DMD: variants seen among roughly 807,000 people sequenced by gnomAD.
The protein encoded by DMD is mutant dystrophin.
DMD carries 63 observed loss-of-function variants against 330.1 expected under a neutral mutation model. The observed-to-expected ratio is 0.19, with a 90% confidence interval of 0.16 to 0.24. DMD has a LOEUF of 0.24. Among genes scored for constraint, DMD ranks in the 10% least tolerant of loss-of-function variants. The probability of loss-of-function intolerance (pLI) is 1.00; values close to 1 mark genes in which losing one functional copy is unlikely to be tolerated. For missense variants in DMD, 3,344 were observed against 2,684.1 expected (o/e 1.25, Z -5.43); for synonymous variants, 1,223 against 959.8 (o/e 1.27, Z -5.07).
intron 43 of DMD, among the ~76,000 whole-genome samples, chrX:32,256,311 T>C (rs1569554150): frequency 1.1e-5 from 1 of 89,943 alleles, no homozygotes; most frequent in Non-Finnish European, 2.2e-5. Context: ...TTGTAACCCC[T>C]GTTTTTTTTT....
At chrX:31,335,867 G>C (rs1281182148) in intron 61 of DMD, among the ~76,000 whole-genome samples, 1 of 112,443 alleles carries the variant, frequency 8.9e-6, no homozygotes, top group East Asian at 2.8e-4. Flanking sequence ...TGGAAGGGAA[G>C]TGAAAGAAAC....
At chrX:31,202,114 A>G (rs936731823) in intron 67 of DMD, among the ~76,000 whole-genome samples, 19 of 111,313 alleles carry the variant, frequency 1.7e-4, no homozygotes, top group Non-Finnish European at 1.7e-4. Context: ...TGAACCAGGG[A>G]GGCGGAGGTT....
At chrX:32,123,905 T>G (rs1328683885) in intron 44 of DMD, among the ~76,000 whole-genome samples, 1 of 112,545 alleles carries the variant, frequency 8.9e-6, no homozygotes, top group South Asian at 3.7e-4. Context: ...TTTGAATTTT[T>G]TATTTTATTT....
chrX:32,799,486 G>T (rs936493285), intron 7 of DMD, among the ~76,000 whole-genome samples: 3 of 111,277 alleles, frequency 2.7e-5, no homozygotes, highest in African/African-American at 9.8e-5. Flanking sequence ...ATCTAGAACA[G>T]GCGCAATCTT....
intron 2 of DMD, among the ~76,000 whole-genome samples, chrX:33,002,850 G>GAAAAAAAAAAAAAAAA (rs145168802): frequency 2.6e-5 from 1 of 38,755 alleles, no homozygotes; most frequent in Non-Finnish European, 4.3e-5. Flanking sequence ...TTTTTTTCTC[G>GAAAAAAAAAAAAAAAA]AAAAAAAAAA....
intron 1 of DMD, among the ~76,000 whole-genome samples, chrX:33,120,628 C>T (rs2095417226): frequency 9.0e-6 from 1 of 111,182 alleles, no homozygotes; most frequent in Non-Finnish European, 1.9e-5. Flanking sequence ...CGCCTGTAAT[C>T]CCAGCACTTT....
Position 32,972,725 on chromosome X carries a change from G to A in DMD, c.93+47414C>T, listed in dbSNP as rs544673165. ...CATTTATTAGTGGGACGATGGGTAA[G>A]TTCATTAGCATCTCCGTACTTTAGT... On this transcript the variant is annotated intron_variant, in intron 2 of 78. Transcript: ENST00000357033. 4.5e-5 allele frequency among the ~76,000 whole-genome samples: 5 copies of A among 111,853 alleles called. No homozygotes were observed. The South Asian group carries it at 1.9e-3, about 41-fold the overall frequency.
At chrX:31,448,330 A>T (rs1026955292) in intron 59 of DMD, among the ~76,000 whole-genome samples, 1 of 111,918 alleles carries the variant, frequency 8.9e-6, no homozygotes, top group African/African-American at 3.3e-5. Context: ...TTGGCATTTG[A>T]TTTAGGTTTT....
intron 60 of DMD, among the ~76,000 whole-genome samples, chrX:31,380,226 CT>C (rs888245786): frequency 1.2e-4 from 13 of 110,747 alleles, no homozygotes; most frequent in East Asian, 5.6e-4. Flanking sequence ...TTAAGCACTC[CT>C]TTTTAGTTAT....
chrX:32,397,773 A>G (rs2098055950), intron 30 of DMD, among the ~76,000 whole-genome samples: 1 of 111,272 alleles, frequency 9.0e-6, no homozygotes, highest in South Asian at 3.7e-4. Context: ...ACCTCATCAA[A>G]CCATTCTCAT....
intron 43 of DMD, among the ~76,000 whole-genome samples, chrX:32,264,000 C>T (rs1379158469): frequency 1.8e-5 from 2 of 111,656 alleles, no homozygotes; most frequent in Non-Finnish European, 3.8e-5. Flanking sequence ...TGTAGAAAAA[C>T]AATTCATAGA....
intron 63 of DMD, among the ~76,000 whole-genome samples, chrX:31,252,831 G>A (rs776390526): frequency 1.2e-3 from 129 of 111,313 alleles, no homozygotes; most frequent in African/African-American, 4.0e-3. Context: ...GGCCAACATG[G>A]TGAAACCCCG....
At chrX:31,449,577 A>G (rs2065537468) in intron 59 of DMD, among the ~76,000 whole-genome samples, 2 of 108,100 alleles carry the variant, frequency 1.9e-5, no homozygotes, top group African/African-American at 6.7e-5. Flanking sequence ...ATTAGGAGGA[A>G]AGCAAAGCAA....
At chrX:32,726,293 TCA>T (rs1371995789) in intron 7 of DMD, among the ~76,000 whole-genome samples, 7 of 111,244 alleles carry the variant, frequency 6.3e-5, no homozygotes, top group African/African-American at 2.3e-4. Context: ...CATAATAAAT[TCA>T]CAGACAAAAT....
intron 1 of DMD, among the ~76,000 whole-genome samples, chrX:33,272,366 T>C (rs1191245744): frequency 8.9e-6 from 1 of 111,951 alleles, no homozygotes; most frequent in Non-Finnish European, 1.9e-5. Context: ...GAGAAATCCA[T>C]GTAGAGTGAA....
intron 41 of DMD, 36 bp downstream of exon 41, chrX:32,342,064 G>A (rs762075612): frequency 4.2e-5 from 50 of 1,177,035 alleles, no homozygotes; most frequent in Non-Finnish European, 5.4e-5. Flanking sequence ...AGTAGTAGTT[G>A]CAAACACATA....
At chrX:31,596,075 G>A (rs746675002) in intron 55 of DMD, among the ~76,000 whole-genome samples, 1 of 111,391 alleles carries the variant, frequency 9.0e-6, no homozygotes, top group African/African-American at 3.2e-5. Flanking sequence ...AATCACAAAA[G>A]TATTTGGTTT....
chrX:32,097,224 A>G (rs2096513921), intron 44 of DMD, among the ~76,000 whole-genome samples: 1 of 110,404 alleles, frequency 9.1e-6, no homozygotes, highest in Non-Finnish European at 1.9e-5. Flanking sequence ...TGCATTAGGT[A>G]TTTGTCCTAA....
intron 2 of DMD, among the ~76,000 whole-genome samples, chrX:32,987,985 G>GTATA (rs753957415): frequency 0.021 from 2,230 of 107,880 alleles, 59 homozygotes; most frequent in African/African-American, 0.07. Context: ...ATATATATGT[G>GTATA]TATATATATA....
Sources: allele counts gnomAD v4.1 joint callset (sites outside exome capture counted in the v4.1 genomes callset), GRCh38; gene constraint gnomAD v4.1.1; transcripts MANE v1.5; gene names NCBI Gene and HGNC (gene_info 2026-07-23, HGNC 2026-07-21).